Variants in EIF4B observed in about 807,000 individuals in gnomAD.
The protein encoded by EIF4B is eukaryotic translation initiation factor 4B.
A neutral mutation model predicts 79.3 loss-of-function variants in EIF4B; 8 were observed. The observed-to-expected ratio is 0.10, with a 90% CI of 0.06 to 0.18. The LOEUF is 0.18. EIF4B is among the 10% of genes least tolerant of loss of function. The pLI, the probability that EIF4B is intolerant of heterozygous loss-of-function variation, is 1.00. For missense variants in EIF4B, 515 were observed against 792.4 expected (o/e 0.65, Z 4.20); for synonymous variants, 238 against 274.7 (o/e 0.87, Z 1.32).
intron 6 of EIF4B, among the ~76,000 whole-genome samples, chr12:53,023,581 T>G (rs1473501258): frequency 6.9e-6 from 1 of 145,264 alleles, no homozygotes; most frequent in Admixed American, 6.9e-5. Context: ...ATGTAAAATT[T>G]TTTTTTTTTT....
chr12:53,020,852 C>A (rs1943236385), intron 4 of EIF4B, among the ~76,000 whole-genome samples: 1 of 152,104 alleles, frequency 6.6e-6, no homozygotes, highest in Non-Finnish European at 1.5e-5. Flanking sequence ...GTTACTCTTA[C>A]TGGATTATTT....
At chr12:53,024,568 G>A (rs1475830774) in intron 6 of EIF4B, among the ~76,000 whole-genome samples, 2 of 152,196 alleles carry the variant, frequency 1.3e-5, no homozygotes, top group African/African-American at 4.8e-5. Flanking sequence ...AGGTTCATAA[G>A]TTTGTTATAA....
rs763069603 is a variant in EIF4B at position 53,016,619 on chromosome 12, T to C, written c.151+9T>C. 10 of 1,566,514 alleles carry C rather than the reference T, an allele frequency of 6.4e-6. No individual in the cohort carries two copies. The Admixed American group carries it at 1.0e-4, about 16-fold the overall frequency. ...TGACCTGGAAGGAGATGGTAACTTT[T>C]CTTTTGTCATCGTGTTTGGAATGTT... On this transcript the variant is annotated intron_variant, in intron 2 of 14. Transcript: ENST00000262056.
At chr12:53,028,332 A>AT (rs1943376069) in intron 8 of EIF4B, 144 bp downstream of exon 8, 1 of 1,178,458 alleles carries the variant, frequency 8.5e-7, no homozygotes, top group African/African-American at 1.5e-5. Context: ...TAGAAAGAGC[A>AT]TTGGCTGGCC....
chr12:53,027,227 G>A (rs568295059), intron 6 of EIF4B, among the ~76,000 whole-genome samples: 5 of 143,994 alleles, frequency 3.5e-5, no homozygotes, highest in East Asian at 2.2e-4. Context: ...TCCGCCTCCC[G>A]GGTTCACACC....
At chr12:53,013,422 A>G (rs535548563) in intron 1 of EIF4B, 2 of 152,342 alleles carry the variant, frequency 1.3e-5, no homozygotes, top group East Asian at 3.9e-4. Context: ...AAAGTCTAAA[A>G]TAAGCCCACG....
rs368640920 is a variant in EIF4B, at chr12:53,020,039, A to T, written c.477+13A>T. ...TCTCAATGAAGAGGTAAAGAAAATAAGAGTGGGGATATGAGGGGTGTAAGT... is the reference window on the plus strand; with the variant it reads ...TCTCAATGAAGAGGTAAAGAAAATATGAGTGGGGATATGAGGGGTGTAAGT... On this transcript the variant is annotated intron_variant, in intron 4 of 14. Transcript: ENST00000262056. The T allele has an allele frequency of 8.5e-5, 135 of 1,594,926 alleles. No individual in the cohort carries two copies. The highest frequency in any genetic ancestry group is 1.8e-4 in the Admixed American group (10 of 54,774).
intron 1 of EIF4B, among the ~76,000 whole-genome samples, chr12:53,016,196 G>C (rs1565584832): frequency 6.6e-6 from 1 of 152,044 alleles, no homozygotes; most frequent in Non-Finnish European, 1.5e-5. Flanking sequence ...AAAATAAAAG[G>C]TTGCCCCCAC....
At chr12:53,038,311 C>A in intron 11 of EIF4B, 45 bp from the exon 12 acceptor site, 1 of 1,526,656 alleles carries the variant, frequency 6.6e-7, no homozygotes, top group Non-Finnish European at 8.8e-7. Context: ...TGGTTGTTTT[C>A]TCCCTGAAAC....
At chr12:53,027,000 A>G (rs1943344850) in intron 6 of EIF4B, among the ~76,000 whole-genome samples, 1 of 151,766 alleles carries the variant, frequency 6.6e-6, no homozygotes. Flanking sequence ...TCTTAAAGTG[A>G]TCTTTGAGGC....
chr12:53,011,142 C>G (rs886067923), intron 1 of EIF4B, among the ~76,000 whole-genome samples: 9 of 151,988 alleles, frequency 5.9e-5, no homozygotes, highest in Admixed American at 2.0e-4. Flanking sequence ...TGGCATGTAC[C>G]TGTGGTCCCA....
At chr12:53,019,434 T>TTTTTTTTTTTTC (rs1943203937) in intron 3 of EIF4B, among the ~76,000 whole-genome samples, 16 of 86,264 alleles carry the variant, frequency 1.9e-4, no homozygotes, top group Admixed American at 3.4e-4. Flanking sequence ...TATATATATA[T>TTTTTTTTTTTTC]ATATTTTTTT....
rs1377571895 is a variant in EIF4B at position 53,040,808 on chromosome 12, CA to C, written c.*586del. 8 of 151,556 alleles carry C rather than the reference CA, an allele frequency of 5.3e-5. No homozygotes were observed. The highest frequency in any genetic ancestry group is 2.1e-4 in the South Asian group (1 of 4,802). The allele number at this position is 151,556 out of a possible 1,614,324, so 9.4% of individuals were successfully genotyped here. Reference sequence around the variant, plus strand: ...AATTCCTTTTTTTTTTTTAACCCCCCAGGGGGGTAGTTGGGAGTGAGACTAT... The same window carrying C: ...AATTCCTTTTTTTTTTTTAACCCCCCGGGGGGTAGTTGGGAGTGAGACTAT... On this transcript the variant is annotated 3_prime_UTR_variant, in exon 15 of 15. Transcript: ENST00000262056.
Position 53,022,532 on chromosome 12 carries a change from A to G in EIF4B, c.572A>G (p.Asp191Gly), listed in dbSNP as rs1185015459. Reference sequence around the variant, plus strand: ...TCTTTTGGCCGTGATAGAAATCGGGATTCTGACAAAACAGATACAGACTGG... The same window carrying G: ...TCTTTTGGCCGTGATAGAAATCGGGGTTCTGACAAAACAGATACAGACTGG... ...DRSFGRDRNR[D>G]SDKTDTDWRA... The change falls in exon 6 of 15, where the codon GAT (aspartate) becomes GGT (glycine). Residue 191 changes from aspartate to glycine, a missense_variant. Transcript: ENST00000262056. 1 of 1,613,266 alleles carries G rather than the reference A, an allele frequency of 6.2e-7. No homozygotes were observed. The highest frequency in any genetic ancestry group is 8.5e-7 in the Non-Finnish European group (1 of 1,179,886).
Position 53,016,534 on chromosome 12 carries a change from G to T in EIF4B, c.75G>T (p.Gly25=), listed in dbSNP as rs764339602. ...ISLTDFLAED[G]GTGGGSTYVS... ...TAACAGACTTTCTGGCTGAGGATGGGGGTACTGGTGGAGGAAGCACCTATG... is the reference window on the plus strand; with the variant it reads ...TAACAGACTTTCTGGCTGAGGATGGTGGTACTGGTGGAGGAAGCACCTATG... The change falls in exon 2 of 15, where the codon GGG becomes GGT. Residue 25 remains glycine, a synonymous_variant. Coordinates refer to ENST00000262056, the MANE Select transcript of EIF4B (RefSeq NM_001417.7). 182 of 1,613,552 alleles carry T rather than the reference G, an allele frequency of 1.1e-4. 2 individuals are homozygous for T. The East Asian group carries it at 4.0e-3, about 36-fold the overall frequency.
chr12:53,019,159 G>A (rs1189105216), intron 3 of EIF4B, among the ~76,000 whole-genome samples, 153 bp downstream of exon 3: 1 of 152,174 alleles, frequency 6.6e-6, no homozygotes, highest in African/African-American at 2.4e-5. Context: ...AGCACTCTGG[G>A]AGTCTGAGGC....
chr12:53,036,840 C>T (rs58952336), intron 10 of EIF4B, among the ~76,000 whole-genome samples: 12,670 of 152,220 alleles, frequency 0.083, 847 homozygotes, highest in African/African-American at 0.18. Context: ...AGGCACATGC[C>T]ACATCCAGCT....
rs752309294 is a variant in EIF4B, at chr12:53,016,615, CTT to C, written c.151+8_151+9del. 3.2e-6 allele frequency: 5 copies of C among 1,569,420 alleles called. No individual in the cohort carries two copies. In the African/African-American group the frequency reaches 6.9e-5, roughly 22 times the overall value. ...CGGATGACCTGGAAGGAGATGGTAA[CTT>C]TTCTTTTGTCATCGTGTTTGGAATG... On this transcript the variant is annotated splice_donor_region_variant and intron_variant, in intron 2 of 14. Coordinates refer to ENST00000262056, the MANE Select transcript of EIF4B (RefSeq NM_001417.7).
chr12:53,017,023 T>TGG (rs1416238218), intron 2 of EIF4B, among the ~76,000 whole-genome samples: 2 of 152,056 alleles, frequency 1.3e-5, no homozygotes, highest in Non-Finnish European at 2.9e-5. Flanking sequence ...GAGGCCGAGG[T>TGG]GGGCAGATCA....
Sources: allele counts gnomAD v4.1 joint callset (sites outside exome capture counted in the v4.1 genomes callset), GRCh38; gene constraint gnomAD v4.1.1; transcripts MANE v1.5; gene names NCBI Gene and HGNC (gene_info 2026-07-23, HGNC 2026-07-21).